Variants in STARD13 observed in about 807,000 individuals in gnomAD.
The protein encoded by STARD13 is stAR-related lipid transfer protein 13.
In STARD13, 62 loss-of-function variants were observed where a neutral mutation model predicts 106.4. The ratio of observed to expected loss-of-function variants is 0.58; its 90% CI spans 0.48 to 0.72. The LOEUF (loss-of-function observed/expected upper bound fraction) is 0.72. Among genes scored for constraint, STARD13 ranks in the 30% least tolerant of loss-of-function variants. The pLI, the probability that STARD13 is intolerant of heterozygous loss-of-function variation, is 0.00. For missense variants in STARD13, 1,387 were observed against 1,424.0 expected (o/e 0.97, Z 0.42); for synonymous variants, 565 against 553.0 (o/e 1.02, Z -0.31).
At chr13:33,595,799 G>T in the STARD13 span, among the ~76,000 whole-genome samples, 1 of 152,130 alleles carries the variant, frequency 6.6e-6, no homozygotes, top group African/African-American at 2.4e-5. Context: ...TAAATCTTGT[G>T]ATTTAATCAC....
At chr13:33,344,987 C>G (rs182135837), downstream of STARD13, among the ~76,000 whole-genome samples, 1 of 152,312 alleles carries the variant, frequency 6.6e-6, no homozygotes, top group East Asian at 1.9e-4. Flanking sequence ...AACGGGTATG[C>G]TTCTGCCTAA....
chr13:33,641,794 C>T, the STARD13 span, among the ~76,000 whole-genome samples: 9 of 152,092 alleles, frequency 5.9e-5, no homozygotes, highest in African/African-American at 1.7e-4. Context: ...TCCAGAAAAT[C>T]GAGCAGCTGG....
At chr13:33,390,818 A>T in the STARD13 span, among the ~76,000 whole-genome samples, 1 of 152,278 alleles carries the variant, frequency 6.6e-6, no homozygotes, top group South Asian at 2.1e-4. Flanking sequence ...ACACTGGGCC[A>T]GAAGGAGAAC....
At chr13:33,212,528 C>T (rs1015248142) in intron 1 of STARD13, among the ~76,000 whole-genome samples, 9 of 152,180 alleles carry the variant, frequency 5.9e-5, no homozygotes, top group Admixed American at 2.0e-4. Flanking sequence ...TATTAATCCT[C>T]AGGGGTCCTG....
chr13:33,663,666 T>TCAC, the STARD13 span, among the ~76,000 whole-genome samples: 4 of 152,212 alleles, frequency 2.6e-5, no homozygotes, highest in African/African-American at 7.2e-5. Context: ...AAGGGAATTT[T>TCAC]ACTTGTGTTT....
chr13:33,532,810 T>C, the STARD13 span, among the ~76,000 whole-genome samples: 15 of 152,324 alleles, frequency 9.8e-5, no homozygotes, highest in East Asian at 2.1e-3. Context: ...GATTCCGACA[T>C]GAGGAATCCA....
intron 1 of STARD13, among the ~76,000 whole-genome samples, chr13:33,324,595 A>T (rs1046788433): frequency 6.6e-6 from 1 of 152,198 alleles, no homozygotes; most frequent in Non-Finnish European, 1.5e-5. Context: ...ACTCATGTAA[A>T]TTATTCAGGG....
chr13:33,288,525 T>C (rs1404682876), upstream of STARD13, among the ~76,000 whole-genome samples: 1 of 151,778 alleles, frequency 6.6e-6, no homozygotes, highest in Non-Finnish European at 1.5e-5. Context: ...TTCTCCTGCC[T>C]CAGCTTCCCA....
At chr13:33,549,643 A>G in the STARD13 span, among the ~76,000 whole-genome samples, 2 of 152,192 alleles carry the variant, frequency 1.3e-5, no homozygotes, top group African/African-American at 4.8e-5. Flanking sequence ...ATTAAGAACC[A>G]TTTTGGCTAT....
intron 1 of STARD13, among the ~76,000 whole-genome samples, chr13:33,340,503 C>T (rs1045726901): frequency 6.6e-6 from 1 of 152,144 alleles, no homozygotes; most frequent in African/African-American, 2.4e-5. Flanking sequence ...AGCATAAGAC[C>T]TTCCAGTTTA....
chr13:33,312,383 T>A (rs1361813518), intron 1 of STARD13, among the ~76,000 whole-genome samples: 2 of 152,100 alleles, frequency 1.3e-5, no homozygotes, highest in Non-Finnish European at 2.9e-5. Flanking sequence ...TTGTCAGGGG[T>A]GTTTTGTGCC....
At chr13:33,511,907 C>T in the STARD13 span, among the ~76,000 whole-genome samples, 1 of 152,112 alleles carries the variant, frequency 6.6e-6, no homozygotes, top group Non-Finnish European at 1.5e-5. Flanking sequence ...ACAGAAGCTT[C>T]ATAAAAGATG....
the STARD13 span, among the ~76,000 whole-genome samples, chr13:33,493,006 A>T: frequency 6.6e-6 from 1 of 152,328 alleles, no homozygotes; most frequent in African/African-American, 2.4e-5. Context: ...TTCAAATATG[A>T]CACAACAAAA....
the STARD13 span, among the ~76,000 whole-genome samples, chr13:33,505,806 A>G: frequency 3.9e-5 from 6 of 152,138 alleles, no homozygotes; most frequent in Admixed American, 6.6e-5. Flanking sequence ...CTCCACAAAT[A>G]TATTTATTTC....
intron 1 of STARD13, among the ~76,000 whole-genome samples, chr13:33,331,617 C>T (rs1281666197): frequency 6.6e-6 from 1 of 151,458 alleles, no homozygotes; most frequent in African/African-American, 2.4e-5. Flanking sequence ...CCACCTGCCT[C>T]AGGCTCCCAA....
chr13:33,420,615 C>A, the STARD13 span, among the ~76,000 whole-genome samples: 1 of 152,192 alleles, frequency 6.6e-6, no homozygotes, highest in African/African-American at 2.4e-5. Context: ...TAATAGACAT[C>A]TACAGAACTC....
chr13:33,641,440 C>T, the STARD13 span, among the ~76,000 whole-genome samples: 1 of 152,046 alleles, frequency 6.6e-6, no homozygotes, highest in Non-Finnish European at 1.5e-5. Context: ...AACTTAGAGT[C>T]ATATTTTAGG....
At chr13:33,343,642 C>A (rs1012705303), downstream of STARD13, among the ~76,000 whole-genome samples, 31 of 148,868 alleles carry the variant, frequency 2.1e-4, no homozygotes, top group African/African-American at 7.7e-4. Flanking sequence ...TTCCAACAAC[C>A]AACCTGTTAT....
At chr13:33,365,997 T>C in the STARD13 span, among the ~76,000 whole-genome samples, 1 of 152,096 alleles carries the variant, frequency 6.6e-6, no homozygotes, top group African/African-American at 2.4e-5. Flanking sequence ...AGTTTTCTTT[T>C]TAAAATTTTA....
Sources: allele counts gnomAD v4.1 joint callset (sites outside exome capture counted in the v4.1 genomes callset), GRCh38; gene constraint gnomAD v4.1.1; transcripts MANE v1.5; gene names NCBI Gene and HGNC (gene_info 2026-07-23, HGNC 2026-07-21).